Variants in EYA1 observed in about 807,000 individuals in gnomAD.
EYA1 encodes EYA transcriptional coactivator and phosphatase 1, also known as protein phosphatase EYA1.
In EYA1, 16 loss-of-function variants were observed where a neutral mutation model predicts 82.0. The ratio of observed to expected loss-of-function variants is 0.20; its 90% CI spans 0.13 to 0.30. EYA1 has a LOEUF of 0.30. EYA1 is among the 10% of genes least tolerant of loss of function. EYA1 has a pLI of 1.00. For synonymous variants in EYA1, 261 were observed against 264.4 expected (o/e 0.99, Z 0.12); for missense variants, 633 against 730.7 (o/e 0.87, Z 1.54).
chr8:71,459,856 CT>C (rs1178454301), intron 2 of EYA1, among the ~76,000 whole-genome samples: 6 of 151,914 alleles, frequency 3.9e-5, no homozygotes, highest in African/African-American at 1.5e-4. Context: ...ACTATCTGTT[CT>C]TTTTTAGTAA....
At chr8:71,298,281 CT>C (rs1819805928) in intron 9 of EYA1, among the ~76,000 whole-genome samples, 1 of 152,028 alleles carries the variant, frequency 6.6e-6, no homozygotes, top group Non-Finnish European at 1.5e-5. Context: ...AACTTTGACT[CT>C]TTGAGGATAA....
At chr8:71,293,316 T>G (rs1313887697) in intron 9 of EYA1, among the ~76,000 whole-genome samples, 6 of 152,228 alleles carry the variant, frequency 3.9e-5, no homozygotes, top group South Asian at 2.1e-4. Context: ...CAGAAAGCAC[T>G]AGACCAGGAT....
At chr8:71,286,809 T>G (rs1343187146) in intron 9 of EYA1, among the ~76,000 whole-genome samples, 2 of 149,698 alleles carry the variant, frequency 1.3e-5, no homozygotes, top group African/African-American at 4.9e-5. Context: ...TTTTTTTTTT[T>G]TTTTTTTTTT....
At chr8:71,498,261 T>A (rs1811564914) in intron 2 of EYA1, among the ~76,000 whole-genome samples, 2 of 152,184 alleles carry the variant, frequency 1.3e-5, no homozygotes, top group Admixed American at 1.3e-4. Context: ...TAGCTGGAGT[T>A]CCTCATTCCA....
At chr8:71,339,210 C>T (rs1339745308) in intron 3 of EYA1, among the ~76,000 whole-genome samples, 3 of 152,144 alleles carry the variant, frequency 2.0e-5, no homozygotes, top group Admixed American at 1.3e-4. Flanking sequence ...TCACAGCCTC[C>T]CTTGCCTAGC....
rs1438722730 is a variant in EYA1, at chr8:71,519,787, G to A, written c.33+15957C>T. 2.6e-5 allele frequency among the ~76,000 whole-genome samples: 4 copies of A among 152,188 alleles called. No individual in the cohort carries two copies. In the East Asian group the frequency reaches 7.7e-4, roughly 29 times the overall value. Reference sequence around the variant, plus strand: ...AGGCTCTGCCTTCTTAGGCCATTTTGGTGTCCCTCTATGGTTGGCCTAGAA... The same window carrying A: ...AGGCTCTGCCTTCTTAGGCCATTTTAGTGTCCCTCTATGGTTGGCCTAGAA... On this transcript the variant is annotated intron_variant, in intron 2 of 18. Coordinates refer to the EYA1 transcript ENST00000643681.
intron 12 of EYA1, among the ~76,000 whole-genome samples, chr8:71,230,767 C>G (rs1351136075): frequency 6.6e-6 from 1 of 152,188 alleles, no homozygotes; most frequent in Non-Finnish European, 1.5e-5. Context: ...TCCAAATGGC[C>G]ACAGTTGCCT....
At chr8:71,447,832 G>T (rs1290233126) in intron 2 of EYA1, among the ~76,000 whole-genome samples, 1 of 152,042 alleles carries the variant, frequency 6.6e-6, no homozygotes, top group Admixed American at 6.5e-5. Flanking sequence ...AAGTCTTTTG[G>T]CTGTGAAGTC....
chr8:71,217,331 C>G (rs1403319067), intron 12 of EYA1, among the ~76,000 whole-genome samples: 2 of 152,176 alleles, frequency 1.3e-5, no homozygotes, highest in Non-Finnish European at 2.9e-5. Context: ...GTACCTTAAG[C>G]CATCATGCTG....
chr8:71,427,271 C>T (rs982386493), intron 2 of EYA1, among the ~76,000 whole-genome samples: 8 of 152,214 alleles, frequency 5.3e-5, no homozygotes, highest in Non-Finnish European at 1.0e-4. Flanking sequence ...TTAGCTGCAT[C>T]AGCTTGTGGA....
intron 2 of EYA1, among the ~76,000 whole-genome samples, chr8:71,433,027 G>C (rs1219393123): frequency 6.6e-6 from 1 of 152,176 alleles, no homozygotes; most frequent in Non-Finnish European, 1.5e-5. Flanking sequence ...GGAAGCATGT[G>C]AAACAAAGGT....
intron 11 of EYA1, among the ~76,000 whole-genome samples, chr8:71,247,242 G>A (rs1406329418): frequency 6.6e-6 from 1 of 152,046 alleles, no homozygotes; most frequent in African/African-American, 2.4e-5. Context: ...TGTGGCCCAA[G>A]TTCTACCTTC....
intron 2 of EYA1, among the ~76,000 whole-genome samples, chr8:71,421,340 T>G (rs1480052589): frequency 2.0e-5 from 3 of 152,128 alleles, no homozygotes; most frequent in African/African-American, 7.2e-5. Context: ...ACTGGACACT[T>G]CCTAGTCCCA....
intron 1 of EYA1, among the ~76,000 whole-genome samples, chr8:71,539,354 C>A (rs1219287684): frequency 6.6e-6 from 1 of 152,118 alleles, no homozygotes; most frequent in Admixed American, 6.5e-5. Context: ...GGCATGCAGC[C>A]CCTTCCAAGG....
At chr8:71,480,538 G>A (rs763732108) in intron 2 of EYA1, among the ~76,000 whole-genome samples, 55 of 151,780 alleles carry the variant, frequency 3.6e-4, no homozygotes, top group African/African-American at 1.2e-3. Flanking sequence ...GATCCACCCC[G>A]GAACAATTTA....
chr8:71,359,044 T>C (rs1827151513), intron 1 of EYA1, among the ~76,000 whole-genome samples: 1 of 152,124 alleles, frequency 6.6e-6, no homozygotes, highest in Admixed American at 6.5e-5. Context: ...AATGGTCATC[T>C]TATATTACAA....
chr8:71,316,718 A>T (rs913364167), intron 7 of EYA1, among the ~76,000 whole-genome samples: 1 of 152,214 alleles, frequency 6.6e-6, no homozygotes, highest in Non-Finnish European at 1.5e-5. Context: ...TCAAAAAGAG[A>T]TCATCAGGGA....
rs752658477 is a variant in EYA1, at chr8:71,215,596, C to A, written c.1475+18G>T. ...AGCATTGCCCATTTCCTGGCAAAGA[C>A]CCCGCAGAGAGCCTCACCGGGAGTG... is the stretch of plus-strand genomic sequence containing the variant. On this transcript the variant is annotated intron_variant, in intron 15 of 17. Transcript: ENST00000340726. 6.2e-6 allele frequency: 10 copies of A among 1,610,084 alleles called. No individual in the cohort carries two copies. Among genetic ancestry groups the A allele is most frequent in the Non-Finnish European group, 8.5e-6 (10 of 1,176,476 alleles).
intron 11 of EYA1, among the ~76,000 whole-genome samples, chr8:71,253,653 A>C (rs1279355420): frequency 6.6e-6 from 1 of 152,206 alleles, no homozygotes; most frequent in East Asian, 1.9e-4. Flanking sequence ...GCCACCAAGC[A>C]TAGCTATAGA....
Sources: gnomAD v4.1 joint callset for allele counts (sites outside exome capture counted in the v4.1 genomes callset) on GRCh38, gnomAD v4.1.1 for gene constraint, MANE v1.5 for transcripts, NCBI Gene and HGNC (gene_info 2026-07-23, HGNC 2026-07-21) for gene names.